Variants in DMD observed in about 807,000 individuals in gnomAD.
DMD encodes the protein dystrophin.
DMD carries 63 observed loss-of-function variants against 330.1 expected under a neutral mutation model. The ratio of observed to expected loss-of-function variants is 0.19; its 90% CI spans 0.16 to 0.24. The LOEUF is 0.24. Ranked by LOEUF, DMD falls within the 10% of genes least tolerant of loss-of-function variation. The pLI is 1.00. For synonymous variants in DMD, 1,223 were observed against 959.8 expected, an observed-to-expected ratio of 1.27 and a Z score of -5.07; for missense variants, 3,344 against 2,684.1, an observed-to-expected ratio of 1.25 and a Z score of -5.43.
chrX:32,485,011 G>A lies in DMD; in HGVS notation c.2711C>T (p.Pro904Leu), dbSNP rs1336825710. The A allele has an allele frequency of 8.3e-7, 1 of 1,211,081 alleles. No homozygotes were observed. Among genetic ancestry groups the A allele is most frequent in the East Asian group, 3.0e-5 (1 of 33,818 alleles). Residue 904 changes from proline (P) to leucine (L), a missense_variant, in exon 21 of 79, where the codon CCC (proline) becomes CTC (leucine). By Grantham distance (98) the Pro-to-Leu change is moderately conservative. Coordinates refer to ENST00000357033, the MANE Select transcript of DMD (RefSeq NM_004006.3). Reference sequence around the variant, plus strand: ...CACAAAGTCTGCATCCAGGAACATGGGTCCTTGTCCTTTCTCTTTCAGGGC... The same window carrying A: ...CACAAAGTCTGCATCCAGGAACATGAGTCCTTGTCCTTTCTCTTTCAGGGC... ...SIALKEKGQGPMFLDADFVAF... is the reference protein window; with the variant it reads ...SIALKEKGQGLMFLDADFVAF...
intron 55 of DMD, among the ~76,000 whole-genome samples, chrX:31,576,178 A>T (rs905368770): frequency 9.0e-6 from 1 of 111,632 alleles, no homozygotes; most frequent in African/African-American, 3.3e-5. Flanking sequence ...GCACAATACT[A>T]TTAACTCAAA....
chrX:32,309,287 T>C (rs1370379773), intron 42 of DMD, among the ~76,000 whole-genome samples: 1 of 111,694 alleles, frequency 9.0e-6, no homozygotes, highest in African/African-American at 3.2e-5. Flanking sequence ...GTGCTGCTGA[T>C]AGCAAACCCA....
intron 7 of DMD, among the ~76,000 whole-genome samples, chrX:32,742,461 G>A (rs2069412055): frequency 9.0e-6 from 1 of 111,292 alleles, no homozygotes; most frequent in East Asian, 2.8e-4. Flanking sequence ...AGGTCAAGAT[G>A]CCTCATAGGT....
chrX:32,562,863 C>T (rs1173077892), intron 16 of DMD, among the ~76,000 whole-genome samples: 2 of 111,313 alleles, frequency 1.8e-5, no homozygotes, highest in East Asian at 5.7e-4. Flanking sequence ...CAAAAACAGC[C>T]AGCAAAGATT....
At chrX:31,522,361 C>CTATATATATATATATATATATATA (rs1454794019) in intron 55 of DMD, among the ~76,000 whole-genome samples, 1 of 50,226 alleles carries the variant, frequency 2.0e-5, no homozygotes, top group Non-Finnish European at 3.2e-5. Context: ...CTCTCTCTCT[C>CTATATATATATATATATATATATA]TCTATATATA....
At chrX:32,587,073 A>T (rs1271212643) in intron 13 of DMD, among the ~76,000 whole-genome samples, 2 of 111,302 alleles carry the variant, frequency 1.8e-5, no homozygotes, top group East Asian at 5.6e-4. Flanking sequence ...TCTTAATTTG[A>T]TAGGGTCTAA....
intron 12 of DMD, among the ~76,000 whole-genome samples, chrX:32,606,694 T>C (rs1293953828): frequency 3.9e-5 from 4 of 103,248 alleles, no homozygotes; most frequent in African/African-American, 1.4e-4. Flanking sequence ...AAATGTGATA[T>C]GCACATGTAT....
At chrX:31,542,631 T>C (rs2073898077) in intron 55 of DMD, among the ~76,000 whole-genome samples, 1 of 112,182 alleles carries the variant, frequency 8.9e-6, no homozygotes, top group Non-Finnish European at 1.9e-5. Context: ...GGGAATACTG[T>C]CTGTGAAAGT....
intron 50 of DMD, among the ~76,000 whole-genome samples, chrX:31,779,638 T>A (rs1171516728): frequency 1.8e-5 from 2 of 111,210 alleles, no homozygotes; most frequent in African/African-American, 6.6e-5. Flanking sequence ...TGTATTACAA[T>A]GTACAAAATT....
chrX:32,510,625 G>A (rs16990417), intron 18 of DMD, among the ~76,000 whole-genome samples: 1,886 of 111,149 alleles, frequency 0.017, 34 homozygotes, highest in African/African-American at 0.058. Context: ...AGCGTAACGC[G>A]TCCATATACA....
intron 9 of DMD, among the ~76,000 whole-genome samples, chrX:32,667,839 T>C (rs186979170): frequency 2.2e-3 from 239 of 106,805 alleles, no homozygotes; most frequent in African/African-American, 7.8e-3. Flanking sequence ...CTTGATGAGC[T>C]ACTTAAAAAT....
chrX:31,331,505 T>C (rs2057121586), intron 61 of DMD, among the ~76,000 whole-genome samples: 1 of 111,325 alleles, frequency 9.0e-6, no homozygotes, highest in South Asian at 3.8e-4. Context: ...ACGGTGATTA[T>C]TAGAAGAGTA....
intron 43 of DMD, among the ~76,000 whole-genome samples, chrX:32,255,285 T>G (rs1358428682): frequency 8.9e-6 from 1 of 112,218 alleles, no homozygotes; most frequent in African/African-American, 3.2e-5. Flanking sequence ...TTTTCAATTA[T>G]TTTGGGTATA....
Position 32,448,868 on chromosome X carries a change from C to T in DMD, c.3604-230G>A, listed in dbSNP as rs181058942. Among the ~76,000 whole-genome samples the T allele has an allele frequency of 5.3e-3, 580 of 110,407 alleles. 4 individuals are homozygous for T. Among genetic ancestry groups the T allele is most frequent in the African/African-American group, 0.018 (544 of 30,560 alleles). ...ACAACAGATCTGTAACAAGAATAGA[C>T]TGAAAAGTAGTCTGCATGGAGGTAT... is the stretch of plus-strand genomic sequence containing the variant. On this transcript the variant is annotated intron_variant, in intron 26 of 78. Transcript: ENST00000357033.
intron 62 of DMD, among the ~76,000 whole-genome samples, chrX:31,292,942 G>A (rs1187342551): frequency 9.0e-6 from 1 of 110,959 alleles, no homozygotes; most frequent in Non-Finnish European, 1.9e-5. Flanking sequence ...TTACCTTTAA[G>A]ATGAGGGAGG....
chrX:32,411,617 T>C, intron 30 of DMD, 135 bp downstream of exon 30: 1 of 712,797 alleles, frequency 1.4e-6, no homozygotes. Flanking sequence ...CCTACCTACC[T>C]CCAAATAGTC....
intron 2 of DMD, among the ~76,000 whole-genome samples, chrX:32,961,104 T>C (rs1291869286): frequency 9.0e-6 from 1 of 111,432 alleles, no homozygotes; most frequent in African/African-American, 3.3e-5. Flanking sequence ...GAAAATCCTA[T>C]TGAAAGATAA....
intron 44 of DMD, among the ~76,000 whole-genome samples, chrX:32,098,372 T>C (rs2096522808): frequency 8.9e-6 from 1 of 111,956 alleles, no homozygotes; most frequent in South Asian, 3.7e-4. Flanking sequence ...ACCTTGGATT[T>C]TACTGATTAT....
At chrX:31,473,313 A>G (rs1285556492) in intron 59 of DMD, among the ~76,000 whole-genome samples, 1 of 108,074 alleles carries the variant, frequency 9.3e-6, no homozygotes, top group Non-Finnish European at 1.9e-5. Context: ...GGTTGCAGTG[A>G]GCCGAGACAG....
Sources: allele counts gnomAD v4.1 joint callset (sites outside exome capture counted in the v4.1 genomes callset), GRCh38; gene constraint gnomAD v4.1.1; transcripts MANE v1.5; gene names NCBI Gene and HGNC (gene_info 2026-07-23, HGNC 2026-07-21).